Variants in SPATA16 observed in about 807,000 individuals in gnomAD.
SPATA16 encodes the protein spermatogenesis-associated protein 16.
SPATA16 carries 36 observed loss-of-function variants against 63.3 expected under a neutral mutation model. The observed-to-expected ratio is 0.57, with a 90% CI of 0.44 to 0.75. The LOEUF (loss-of-function observed/expected upper bound fraction) is 0.75, where lower values mean the gene tolerates loss of function less well. SPATA16 is among the 30% of genes least tolerant of loss of function. SPATA16 has a pLI of 0.00. For synonymous variants in SPATA16, 203 were observed against 216.7 expected, an observed-to-expected ratio of 0.94 and a Z score of 0.56; for missense variants, 646 against 679.3, an observed-to-expected ratio of 0.95 and a Z score of 0.54.
intron 3 of SPATA16, among the ~76,000 whole-genome samples, chr3:173,037,371 G>T (rs955528643): frequency 1.3e-5 from 2 of 151,980 alleles, no homozygotes; most frequent in Non-Finnish European, 2.9e-5. Flanking sequence ...AAGCTTATAG[G>T]AACTAGAAGT....
At chr3:172,982,390 T>C (rs577500447) in intron 4 of SPATA16, among the ~76,000 whole-genome samples, 1 of 152,298 alleles carries the variant, frequency 6.6e-6, no homozygotes, top group Admixed American at 6.5e-5. Context: ...ATGGCATAAA[T>C]TGAAGAGGAA....
intron 5 of SPATA16, among the ~76,000 whole-genome samples, chr3:172,975,792 C>T (rs971604474): frequency 4.0e-5 from 6 of 151,732 alleles, no homozygotes; most frequent in African/African-American, 1.5e-4. Flanking sequence ...GTAAATTGAT[C>T]TCCAGATAGA....
rs144023257 is a variant in SPATA16 at position 173,089,552 on chromosome 3, C to T, written c.612+27568G>A. 2.8e-4 allele frequency among the ~76,000 whole-genome samples: 43 copies of T among 152,150 alleles called. 1 individual carries two copies. Among genetic ancestry groups the T allele is most frequent in the East Asian group, 3.9e-4 (2 of 5,176 alleles). On this transcript the variant is annotated intron_variant, in intron 2 of 10. Transcript: ENST00000351008. ...ACGGATAAGGGCCCATTAGCTTCTG[C>T]GGGAAAATGAACCAGAGGAGGCCCT...
At position 173,088,079 on chromosome 3, in the gene SPATA16, T is replaced by TTTCTTTCC. The variant is rs1341575315; in HGVS notation, c.612+29040_612+29041insGGAAAGAA. Among the ~76,000 whole-genome samples, 3 of 105,992 alleles carry TTTCTTTCC rather than the reference T, an allele frequency of 2.8e-5. No homozygotes were observed. In the East Asian group the frequency reaches 7.7e-4, roughly 27 times the overall value. The allele number at this position is 105,992 out of a possible 152,430, so 69.5% of individuals were successfully genotyped here. On this transcript the variant is annotated intron_variant, in intron 2 of 10. Coordinates refer to ENST00000351008, the MANE Select transcript of SPATA16 (RefSeq NM_031955.6). ...CTTTCTTTCTTTCTTTCTTTCTTTC[T>TTTCTTTCC]GTCTTTTCTTTTTTTTTTTTTTTTG...
rs1437474616 is a variant in SPATA16 at position 173,028,058 on chromosome 3, CCTTCCTTCCTTCCTTCCTTT to C, written c.759-8503_759-8484del. Among the ~76,000 whole-genome samples the C allele has an allele frequency of 3.1e-3, 323 of 105,244 alleles. 13 individuals carry two copies. The highest frequency in any genetic ancestry group is 0.013 in the African/African-American group (295 of 21,930). 69.0% of individuals were successfully genotyped at this position (105,244 alleles called of 152,430 possible). On this transcript the variant is annotated intron_variant, in intron 3 of 10. Transcript: ENST00000351008. ...TCCTTCCTTCCTTCCTTCCTTCCTT[CCTTCCTTCCTTCCTTCCTTT>C]CTCTCTCTCTCTTTCTTTCTTTCAA...
intron 3 of SPATA16, among the ~76,000 whole-genome samples, chr3:173,028,008 TCCC>T (rs1560100916): frequency 0.1 from 3,938 of 37,510 alleles, 667 homozygotes; most frequent in African/African-American, 0.36. Context: ...CCTCCCTCCC[TCCC>T]TCCCTTCCTT....
At chr3:173,082,310 A>C (rs1172476152) in intron 2 of SPATA16, among the ~76,000 whole-genome samples, 1 of 152,198 alleles carries the variant, frequency 6.6e-6, no homozygotes, top group African/African-American at 2.4e-5. Context: ...CACCTGGAAA[A>C]CTAGGTTCAA....
intron 4 of SPATA16, among the ~76,000 whole-genome samples, chr3:172,987,519 T>TA (rs1384372692): frequency 6.6e-6 from 1 of 152,212 alleles, no homozygotes; most frequent in Non-Finnish European, 1.5e-5. Flanking sequence ...ATCTGGAATG[T>TA]ATGGTTCTTC....
chr3:173,007,056 A>G (rs1232142990), intron 4 of SPATA16, among the ~76,000 whole-genome samples: 1 of 152,154 alleles, frequency 6.6e-6, no homozygotes, highest in African/African-American at 2.4e-5. Context: ...TTTACTGTAC[A>G]CTCATCCAGA....
At chr3:173,113,886 T>C (rs1051718820) in intron 2 of SPATA16, among the ~76,000 whole-genome samples, 1 of 152,168 alleles carries the variant, frequency 6.6e-6, no homozygotes, top group African/African-American at 2.4e-5. Context: ...TGGCAACCAT[T>C]CTGAATGCCT....
intron 2 of SPATA16, among the ~76,000 whole-genome samples, chr3:173,091,008 G>A (rs1194189879): frequency 6.6e-6 from 1 of 151,924 alleles, no homozygotes; most frequent in African/African-American, 2.4e-5. Context: ...TTAGGTGGGA[G>A]GACATTGACA....
intron 2 of SPATA16, among the ~76,000 whole-genome samples, chr3:173,079,965 G>C (rs1046116261): frequency 6.6e-6 from 1 of 152,162 alleles, no homozygotes; most frequent in Non-Finnish European, 1.5e-5. Flanking sequence ...ATAAAAATAC[G>C]CAATGCCTAA....
intron 4 of SPATA16, among the ~76,000 whole-genome samples, chr3:172,980,967 C>G (rs1286022201): frequency 1.3e-5 from 2 of 152,174 alleles, no homozygotes; most frequent in Non-Finnish European, 2.9e-5. Flanking sequence ...TCATTCCCAC[C>G]ACGTCACTGA....
At chr3:173,016,880 G>T (rs960936275) in intron 4 of SPATA16, among the ~76,000 whole-genome samples, 1 of 152,020 alleles carries the variant, frequency 6.6e-6, no homozygotes, top group Non-Finnish European at 1.5e-5. Flanking sequence ...TGGGTGTGGT[G>T]GTGTGTGCCT....
At chr3:172,943,068 G>A (rs902922909) in intron 6 of SPATA16, among the ~76,000 whole-genome samples, 1 of 152,010 alleles carries the variant, frequency 6.6e-6, no homozygotes, top group African/African-American at 2.4e-5. Context: ...CTAAAAACAA[G>A]GGAAGATGTT....
intron 10 of SPATA16, among the ~76,000 whole-genome samples, chr3:172,900,382 G>A (rs896529556): frequency 1.3e-5 from 2 of 152,006 alleles, no homozygotes; most frequent in African/African-American, 2.4e-5. Context: ...GATGTATCCC[G>A]GTATAAATTT....
chr3:172,987,254 G>C (rs1734478987), intron 4 of SPATA16, among the ~76,000 whole-genome samples: 1 of 152,166 alleles, frequency 6.6e-6, no homozygotes, highest in Non-Finnish European at 1.5e-5. Flanking sequence ...GTAATCACAG[G>C]CCAGCAGTCA....
At position 172,894,068 on chromosome 3, in the gene SPATA16, G is replaced by A. The variant is rs537548803; in HGVS notation, c.1588-4376C>T. Among the ~76,000 whole-genome samples the A allele has an allele frequency of 2.0e-5, 3 of 152,280 alleles. No homozygotes were observed. In the East Asian group the frequency reaches 5.8e-4, roughly 29 times the overall value. On this transcript the variant is annotated intron_variant, in intron 10 of 10. Transcript: ENST00000351008. ...GTAGTGGTAGTTACAGAATGGGAATGTGTTTTCAGTGATTAGCAGTTTGGA... is the reference window on the plus strand; with the variant it reads ...GTAGTGGTAGTTACAGAATGGGAATATGTTTTCAGTGATTAGCAGTTTGGA...
intron 4 of SPATA16, among the ~76,000 whole-genome samples, chr3:172,990,551 C>T (rs1172804504): frequency 2.0e-5 from 3 of 152,162 alleles, no homozygotes; most frequent in African/African-American, 7.2e-5. Context: ...TATTCATAAG[C>T]TATATTCTCC....
Sources: allele counts gnomAD v4.1 joint callset (sites outside exome capture counted in the v4.1 genomes callset), GRCh38; gene constraint gnomAD v4.1.1; transcripts MANE v1.5; gene names NCBI Gene and HGNC (gene_info 2026-07-23, HGNC 2026-07-21).